DOCK8: variants seen among roughly 807,000 people sequenced by gnomAD.
DOCK8 encodes dedicator of cytokinesis 8.
In DOCK8, 141 loss-of-function variants were observed where a neutral mutation model predicts 245.6. That is an observed-to-expected ratio of 0.57 (90% CI 0.50 to 0.66). DOCK8 has a LOEUF of 0.66. Among genes scored for constraint, DOCK8 ranks in the 30% least tolerant of loss-of-function variants. The pLI, the probability that DOCK8 is intolerant of heterozygous loss-of-function variation, is 0.00. For missense variants in DOCK8, 2,965 were observed against 2,603.4 expected (o/e 1.14, Z -3.02); for synonymous variants, 1,168 against 970.2 (o/e 1.20, Z -3.79).
chr9:454,932 T>C (rs1046905669), intron 46 of DOCK8, among the ~76,000 whole-genome samples: 10 of 152,200 alleles, frequency 6.6e-5, no homozygotes, highest in Admixed American at 4.6e-4. Context: ...GAAATGGACT[T>C]TCCTAGGGGT....
chr9:463,445 A>G, intron 46 of DOCK8, 72 bp from the exon 47 acceptor site: 1 of 1,571,274 alleles, frequency 6.4e-7, no homozygotes, highest in East Asian at 2.2e-5. Flanking sequence ...AATCGTAAGT[A>G]ATTTCATTGT....
At chr9:286,797 G>C (rs533590413) in intron 3 of DOCK8, among the ~76,000 whole-genome samples, 161 bp downstream of exon 3, 4 of 152,272 alleles carry the variant, frequency 2.6e-5, no homozygotes, top group African/African-American at 9.6e-5. Context: ...TGTAAGTATA[G>C]ATAGTTTTTA....
chr9:382,592 G>C lies in DOCK8; in HGVS notation c.2685G>C (p.Leu895=), dbSNP rs1208322941. ...CAGCTGCTGCTGTGAGTTCAAAGCT[G>C]CTGCAGGCCCGGGTGATGAGCAGCA... ...RTSAAAVSSK[L]LQARVMSSSN... Residue 895 remains leucine (L), a synonymous_variant, in exon 22 of 48, where the codon CTG becomes CTC. Transcript: ENST00000432829. 9.3e-6 allele frequency: 15 copies of C among 1,614,050 alleles called. No individual in the cohort carries two copies. Among genetic ancestry groups the C allele is most frequent in the Non-Finnish European group, 1.3e-5 (15 of 1,180,030 alleles).
At chr9:418,286 T>A in intron 30 of DOCK8, 79 bp downstream of exon 30, 1 of 1,582,698 alleles carries the variant, frequency 6.3e-7, no homozygotes, top group Non-Finnish European at 8.6e-7. Flanking sequence ...TGTTTGTTTG[T>A]TTTGAGACAG....
At chr9:371,314 G>A in intron 16 of DOCK8, 114 bp from the exon 17 acceptor site, 1 of 1,288,006 alleles carries the variant, frequency 7.8e-7, no homozygotes, top group Non-Finnish European at 1.1e-6. Flanking sequence ...AATGTAAAAT[G>A]AAAAGCAAAA....
At chr9:400,013 T>TC (rs1554691498) in intron 26 of DOCK8, among the ~76,000 whole-genome samples, 14 of 45,728 alleles carry the variant, frequency 3.1e-4, no homozygotes, top group African/African-American at 1.4e-3. Flanking sequence ...ACCTCCACCA[T>TC]CACCACCACC....
chr9:405,164 C>G (rs2055355124), intron 27 of DOCK8, 91 bp downstream of exon 27: 5 of 1,346,898 alleles, frequency 3.7e-6, no homozygotes, highest in East Asian at 2.5e-5. Flanking sequence ...AAAGGTTAGT[C>G]TTATTAATTT....
At chr9:276,193 T>C (rs1443269939) in intron 2 of DOCK8, among the ~76,000 whole-genome samples, 1 of 144,966 alleles carries the variant, frequency 6.9e-6, no homozygotes, top group Non-Finnish European at 1.5e-5. Context: ...GCTCGGCCCA[T>C]TTAAAAAAAC....
At chr9:288,145 T>G (rs2048899394) in intron 3 of DOCK8, among the ~76,000 whole-genome samples, 1 of 152,130 alleles carries the variant, frequency 6.6e-6, no homozygotes, top group African/African-American at 2.4e-5. Context: ...TCAAAAGAAT[T>G]TATAGGTAAC....
At chr9:399,123 T>G (rs1484989657) in intron 25 of DOCK8, 23 bp from the exon 26 acceptor site, 2 of 1,604,394 alleles carry the variant, frequency 1.2e-6, no homozygotes, top group East Asian at 4.5e-5. Context: ...ACAAAATGAT[T>G]TGGGTGTTTG....
rs527760498 is a variant in DOCK8, at chr9:418,350, C to T, written c.3840+143C>T. 12 of 1,118,322 alleles carry T rather than the reference C, an allele frequency of 1.1e-5. No homozygotes were observed. In the South Asian group the frequency reaches 1.1e-4, roughly 10 times the overall value. The allele number at this position is 1,118,322 out of a possible 1,614,324, so 69.3% of individuals were successfully genotyped here. A position where few individuals can be genotyped will look rare whatever the true frequency, so the allele number is the denominator to read the frequency against. ...GCAGTGGCGCAATCTCAGTTCACTG[C>T]AACCTCCGCCTCCCGGGTTCTTCAT... is the stretch of plus-strand genomic sequence containing the variant. On this transcript the variant is annotated intron_variant, in intron 30 of 47. Transcript: ENST00000432829.
At chr9:403,901 T>TATAC (rs1554693996) in intron 26 of DOCK8, among the ~76,000 whole-genome samples, 3 of 77,916 alleles carry the variant, frequency 3.9e-5, no homozygotes, top group African/African-American at 7.9e-5. Context: ...TCTATATATA[T>TATAC]ATATATATAT....
At chr9:347,648 C>G (rs1159638959) in intron 14 of DOCK8, among the ~76,000 whole-genome samples, 8 of 152,172 alleles carry the variant, frequency 5.3e-5, no homozygotes, top group Admixed American at 2.0e-4. Flanking sequence ...AGTGGCAGCC[C>G]AGGCAAAATC....
chr9:392,892 C>A (rs989048443), intron 24 of DOCK8, among the ~76,000 whole-genome samples: 2 of 151,718 alleles, frequency 1.3e-5, no homozygotes, highest in Non-Finnish European at 2.9e-5. Flanking sequence ...TCATGTCTCT[C>A]CATAAAGAAG....
At chr9:367,826 G>T (rs1032817970) in intron 14 of DOCK8, among the ~76,000 whole-genome samples, 192 bp from the exon 15 acceptor site, 3 of 152,130 alleles carry the variant, frequency 2.0e-5, no homozygotes, top group Non-Finnish European at 4.4e-5. Flanking sequence ...AGCGATGGGG[G>T]TTATTTTCAG....
chr9:443,338 C>A, intron 42 of DOCK8, 89 bp from the exon 43 acceptor site: 1 of 1,283,098 alleles, frequency 7.8e-7, no homozygotes, highest in Non-Finnish European at 1.1e-6. Flanking sequence ...CTACCTTGCA[C>A]TTGCTCCAAA....
At chr9:263,700 T>C (rs982319898) in intron 1 of DOCK8, among the ~76,000 whole-genome samples, 3 of 152,250 alleles carry the variant, frequency 2.0e-5, no homozygotes, top group Admixed American at 6.5e-5. Context: ...TCATTACTTA[T>C]GAAGAATATT....
intron 22 of DOCK8, among the ~76,000 whole-genome samples, chr9:385,919 T>C (rs2053931425): frequency 1.3e-5 from 2 of 152,204 alleles, no homozygotes; most frequent in African/African-American, 4.8e-5. Context: ...GCATGAGCAC[T>C]CCACTTCCCT....
intron 19 of DOCK8, among the ~76,000 whole-genome samples, chr9:376,719 C>T (rs2053532619): frequency 1.3e-5 from 2 of 152,208 alleles, no homozygotes. Flanking sequence ...ACCTGGTACG[C>T]TGACCTCTGC....
Sources: gnomAD v4.1 joint callset for allele counts (sites outside exome capture counted in the v4.1 genomes callset) on GRCh38, gnomAD v4.1.1 for gene constraint, MANE v1.5 for transcripts, NCBI Gene and HGNC (gene_info 2026-07-23, HGNC 2026-07-21) for gene names.